Variants in MACF1 observed in about 807,000 individuals in gnomAD.
MACF1 encodes the protein microtubule-actin cross-linking factor 1.
A neutral mutation model predicts 854.8 loss-of-function variants in MACF1; 193 were observed. That is an observed-to-expected ratio of 0.23 (90% confidence interval 0.20 to 0.25). The LOEUF (loss-of-function observed/expected upper bound fraction) is 0.25. Ranked by LOEUF, MACF1 falls within the 10% of genes least tolerant of loss-of-function variation. The pLI, the probability that MACF1 is intolerant of heterozygous loss-of-function variation, is 1.00. For synonymous variants in MACF1, 3,185 were observed against 3,226.7 expected (o/e 0.99, Z 0.44); for missense variants, 7,722 against 8,929.1 (o/e 0.86, Z 5.45).
At chr1:39,432,731 T>G in intron 67 of MACF1, 77 bp downstream of exon 67, 1 of 1,410,180 alleles carries the variant, frequency 7.1e-7, no homozygotes, top group Non-Finnish European at 9.6e-7. Context: ...GACTATCCCA[T>G]GTCAAGTGGA....
chr1:39,236,735 C>T lies in MACF1; in HGVS notation c.171+5492C>T, dbSNP rs955325281. On this transcript the variant is annotated intron_variant, in intron 2 of 100. Coordinates refer to ENST00000564288, the MANE Select transcript of MACF1 (RefSeq NM_001394062.1). The stretch of plus-strand genomic sequence containing the variant: ...GGAGTGCAGTGGCGCAATCTCAGCT[C>T]ACTGCAACCTCTGCCTCCTGGGTTC... 7.2e-5 allele frequency among the ~76,000 whole-genome samples: 11 copies of T among 152,196 alleles called. No homozygotes were observed. In the East Asian group the frequency reaches 2.1e-3, roughly 29 times the overall value.
intron 52 of MACF1, 81 bp from the exon 53 acceptor site, chr1:39,378,380 G>A (rs762465595): frequency 7.2e-6 from 7 of 966,200 alleles, no homozygotes; most frequent in Admixed American, 5.2e-5. Context: ...TTAAAGTGAG[G>A]GCCAAAGGAC....
chr1:39,176,477 CAT>C (rs1235179039), intron 2 of MACF1, among the ~76,000 whole-genome samples: 1 of 152,160 alleles, frequency 6.6e-6, no homozygotes, highest in African/African-American at 2.4e-5. Context: ...ATTCTGTAAT[CAT>C]AGCTTCCACT....
chr1:39,337,172 G>A lies in MACF1; in HGVS notation c.10066-10G>A, dbSNP rs1356635016. 1 of 1,604,690 alleles carries A rather than the reference G, an allele frequency of 6.2e-7. No homozygotes were observed. Among genetic ancestry groups the A allele is most frequent in the African/African-American group, 1.3e-5 (1 of 74,412 alleles). On this transcript the variant is annotated splice_polypyrimidine_tract_variant and intron_variant, in intron 37 of 100. Coordinates refer to ENST00000564288, the MANE Select transcript of MACF1 (RefSeq NM_001394062.1). ...TCAGAACTGAGTCAGCTTTCTTTTT[G>A]GCTCCACAGAATGTATTTACCCGGC... is the stretch of plus-strand genomic sequence containing the variant.
At chr1:39,294,207 C>T (rs1645853591) in intron 18 of MACF1, among the ~76,000 whole-genome samples, 2 of 152,242 alleles carry the variant, frequency 1.3e-5, no homozygotes, top group African/African-American at 4.8e-5. Flanking sequence ...TCAATCTCTT[C>T]GTTTGTAAAA....
intron 58 of MACF1, chr1:39,413,780 C>T (rs867413155): frequency 1.9e-6 from 3 of 1,611,896 alleles, no homozygotes; most frequent in Middle Eastern, 1.7e-4. Context: ...TCTGCCTCCC[C>T]AGCTGCTGCA....
At chr1:39,395,625 A>AG (rs1642242748) in intron 58 of MACF1, among the ~76,000 whole-genome samples, 1 of 152,144 alleles carries the variant, frequency 6.6e-6, no homozygotes, top group Non-Finnish European at 1.5e-5. Flanking sequence ...TGTGCCTTTA[A>AG]GGGGAGACTA....
chr1:39,167,985 C>G (rs182241595), intron 2 of MACF1, among the ~76,000 whole-genome samples: 151 of 152,238 alleles, frequency 9.9e-4, no homozygotes, highest in Non-Finnish European at 1.9e-3. Flanking sequence ...CAGCTTGACC[C>G]TTATGTTGTG....
chr1:39,353,301 C>T (rs1647258379), intron 44 of MACF1, 70 bp downstream of exon 44: 1 of 1,205,426 alleles, frequency 8.3e-7, no homozygotes, highest in African/African-American at 1.5e-5. Flanking sequence ...ACCACAATCA[C>T]CTTGCCCCTA....
At chr1:39,087,679 C>T (rs1350479143) in intron 2 of MACF1, among the ~76,000 whole-genome samples, 4 of 152,186 alleles carry the variant, frequency 2.6e-5, no homozygotes, top group Non-Finnish European at 4.4e-5. Flanking sequence ...TTAGGCAGGA[C>T]ATATGTTAGC....
Position 39,204,991 on chromosome 1 carries a change from A to T in MACF1, c.-32A>T. 1 of 702,744 alleles carries T rather than the reference A, an allele frequency of 1.4e-6. No individual in the cohort carries two copies. The highest frequency in any genetic ancestry group is 2.3e-4 in the Middle Eastern group (1 of 4,370). 43.5% of individuals were successfully genotyped at this position (702,744 alleles called of 1,614,324 possible). ...AGAGGCCTGCGCTGAGCTTGTGGCT[A>T]ACTCAAGGGAGGAGAAAGGACGGGC... On this transcript the variant is annotated 5_prime_UTR_variant, in exon 1 of 101. Transcript: ENST00000564288.
chr1:39,375,065 G>T (rs1244319027), intron 52 of MACF1, among the ~76,000 whole-genome samples: 2 of 151,618 alleles, frequency 1.3e-5, no homozygotes, highest in Non-Finnish European at 2.9e-5. Flanking sequence ...AGCTGAGATC[G>T]CACCACTGCA....
intron 2 of MACF1, among the ~76,000 whole-genome samples, chr1:39,095,274 G>A (rs1263845484): frequency 6.6e-6 from 1 of 151,908 alleles, no homozygotes; most frequent in Non-Finnish European, 1.5e-5. Context: ...GAAATGTGGG[G>A]GAAGGCGGCT....
chr1:39,349,146 A>G (rs2148497639), intron 41 of MACF1, among the ~76,000 whole-genome samples: 1 of 152,282 alleles, frequency 6.6e-6, no homozygotes, highest in East Asian at 1.9e-4. Context: ...TATCATCACC[A>G]TTATCATGTG....
chr1:39,477,796 A>G (rs1424079310), intron 97 of MACF1, among the ~76,000 whole-genome samples: 1 of 152,122 alleles, frequency 6.6e-6, no homozygotes. Flanking sequence ...TCTCTGTAAC[A>G]TAGGGATGCT....
At position 39,460,833 on chromosome 1, in the gene MACF1, G is replaced by T. The variant is rs762992362; in HGVS notation, c.21523+39G>T. ...TCATTCCAAACATGGGTCACACCTGGATTCCTTGCACTTTGTAGAAGCTGT... is the reference window on the plus strand; with the variant it reads ...TCATTCCAAACATGGGTCACACCTGTATTCCTTGCACTTTGTAGAAGCTGT... On this transcript the variant is annotated intron_variant, in intron 92 of 100. Transcript: ENST00000564288. The surrounding 1 kb of genome is among the most constrained non-coding windows in gnomAD (Gnocchi z 4.1). 5 of 1,608,516 alleles carry T rather than the reference G, an allele frequency of 3.1e-6. No homozygotes were observed. In the South Asian group the frequency reaches 5.5e-5, roughly 18 times the overall value.
At chr1:39,347,308 C>T (rs1399430107) in intron 41 of MACF1, 98 bp downstream of exon 41, 4 of 894,022 alleles carry the variant, frequency 4.5e-6, no homozygotes, top group Non-Finnish European at 7.1e-6. Context: ...TTGCAGGAGC[C>T]TGGGTTTACC....
intron 2 of MACF1, among the ~76,000 whole-genome samples, chr1:39,101,050 C>G (rs958500026): frequency 3.4e-5 from 5 of 147,908 alleles, no homozygotes; most frequent in Non-Finnish European, 3.0e-5. Context: ...TGTGAGCCAC[C>G]ATGCATAGCA....
intron 2 of MACF1, among the ~76,000 whole-genome samples, chr1:39,089,971 G>A (rs11205632): frequency 0.075 from 11,437 of 152,266 alleles, 503 homozygotes; most frequent in Non-Finnish European, 0.093. Context: ...AGCCAGATGA[G>A]GCAGTGGAGA....
Sources: allele counts gnomAD v4.1 joint callset (sites outside exome capture counted in the v4.1 genomes callset), GRCh38; gene constraint gnomAD v4.1.1; non-coding constraint Gnocchi (gnomAD v3.1); transcripts MANE v1.5; gene names NCBI Gene and HGNC (gene_info 2026-07-23, HGNC 2026-07-21).